ATF1: variants seen among roughly 807,000 people sequenced by gnomAD.
ATF1 encodes activating transcription factor 1, also known as cyclic AMP-dependent transcription factor ATF-1.
A neutral mutation model predicts 34.7 loss-of-function variants in ATF1; 16 were observed. That is an observed-to-expected ratio of 0.46 (90% confidence interval 0.31 to 0.70). The LOEUF is 0.70. Among genes scored for constraint, ATF1 ranks in the 30% least tolerant of loss-of-function variants. The pLI, the probability that ATF1 is intolerant of heterozygous loss-of-function variation, is 0.05. For missense variants in ATF1, 255 were observed against 321.6 expected (o/e 0.79, Z 1.58); for synonymous variants, 105 against 113.1 (o/e 0.93, Z 0.46).
intron 6 of ATF1, among the ~76,000 whole-genome samples, chr12:50,818,772 A>G (rs565016580): frequency 2.6e-4 from 40 of 152,022 alleles, no homozygotes; most frequent in African/African-American, 9.6e-4. Flanking sequence ...ACCACAGCTA[A>G]TTTTTGTATT....
rs1435176881 is a variant in ATF1, at chr12:50,795,956, C to G, written c.141C>G (p.Ser47Arg). The G allele has an allele frequency of 1.2e-6, 2 of 1,612,994 alleles. No individual in the cohort carries two copies. Among genetic ancestry groups the G allele is most frequent in the African/African-American group, 2.7e-5 (2 of 74,808 alleles). The stretch of plus-strand genomic sequence containing the variant: ...AGGAGTCCCAGGACTCATCCGACAG[C>G]ATAGGCTCCTCACAGAAAGCCCACG... Reference protein sequence around the residue: ...ESEESQDSSDSIGSSQKAHGI... With the variant: ...ESEESQDSSDRIGSSQKAHGI... The change falls in exon 3 of 7, where the codon AGC becomes AGG. Residue 47 changes from serine to arginine, a missense_variant. Physicochemically the swap from Ser to Arg is moderately radical, Grantham distance 110 (BLOSUM62 -1). Around this residue, in one of 2 missense-constraint regions of ATF1, gnomAD observed 221 missense variants for 250.7 expected, o/e 0.88. Transcript: ENST00000262053.
chr12:50,798,282 A>T (rs1413126123), intron 3 of ATF1, among the ~76,000 whole-genome samples: 1 of 152,078 alleles, frequency 6.6e-6, no homozygotes, highest in Non-Finnish European at 1.5e-5. Flanking sequence ...GAACAATAGT[A>T]ATAATGATTA....
Position 50,820,321 on chromosome 12 carries a change from G to C in ATF1, c.*542G>C, listed in dbSNP as rs1429763903. On this transcript the variant is annotated 3_prime_UTR_variant, in exon 7 of 7. Coordinates refer to ENST00000262053, the MANE Select transcript of ATF1 (RefSeq NM_005171.5). ...AGTCTTTTTAAGTGGGTTTTTAAAA[G>C]TTTGTTATTGGACTTGAATGGATTT... 1.1e-5 allele frequency: 2 copies of C among 189,950 alleles called. No homozygotes were observed. Among genetic ancestry groups the C allele is most frequent in the Non-Finnish European group, 2.2e-5 (2 of 90,404 alleles). 11.8% of individuals were successfully genotyped at this position (189,950 alleles called of 1,614,324 possible).
At chr12:50,764,825 C>G (rs1940589805) in intron 1 of ATF1, among the ~76,000 whole-genome samples, 1 of 152,260 alleles carries the variant, frequency 6.6e-6, no homozygotes, top group Non-Finnish European at 1.5e-5. Context: ...AGCGGGCAAC[C>G]GACGCACGGG....
chr12:50,781,731 G>A (rs764832851), intron 2 of ATF1, among the ~76,000 whole-genome samples: 1 of 151,900 alleles, frequency 6.6e-6, no homozygotes, highest in African/African-American at 2.4e-5. Context: ...GATTACAGGC[G>A]TGAGCCACCG....
upstream of ATF1, chr12:50,764,022 GC>G (rs1410562784): frequency 6.6e-6 from 1 of 152,226 alleles, no homozygotes; most frequent in Non-Finnish European, 1.5e-5. Flanking sequence ...TACCCCAAAC[GC>G]ACACTAGTGC....
intron 4 of ATF1, among the ~76,000 whole-genome samples, chr12:50,809,881 C>G (rs915995401): frequency 6.6e-6 from 1 of 152,042 alleles, no homozygotes; most frequent in Non-Finnish European, 1.5e-5. Context: ...TTGCCCAGGC[C>G]GGAGTGCAGT....
chr12:50,767,912 G>A (rs552233195), intron 1 of ATF1, among the ~76,000 whole-genome samples: 5 of 146,924 alleles, frequency 3.4e-5, no homozygotes, highest in South Asian at 4.3e-4. Flanking sequence ...TTGCTCTGTC[G>A]CCCAGGCTGG....
chr12:50,780,041 A>G, intron 1 of ATF1, 99 bp from the exon 2 acceptor site: 1 of 826,136 alleles, frequency 1.2e-6, no homozygotes, highest in African/African-American at 1.7e-5. Context: ...GTTCTTTTCC[A>G]TTGAGGCAAC....
intron 1 of ATF1, among the ~76,000 whole-genome samples, chr12:50,772,688 C>T (rs1291238758): frequency 6.6e-6 from 1 of 151,652 alleles, no homozygotes; most frequent in Non-Finnish European, 1.5e-5. Context: ...CTCTCTCTCT[C>T]TCTCTCTTTT....
chr12:50,781,890 G>T (rs946069736), intron 2 of ATF1, among the ~76,000 whole-genome samples: 2 of 144,344 alleles, frequency 1.4e-5, no homozygotes, highest in African/African-American at 5.2e-5. Flanking sequence ...ACTCCAGCCT[G>T]GGTGACAGAG....
Position 50,766,484 on chromosome 12 carries a change from G to C in ATF1, c.-7+2177G>C, listed in dbSNP as rs193166265. On this transcript the variant is annotated intron_variant, in intron 1 of 6. Coordinates refer to ENST00000262053, the MANE Select transcript of ATF1 (RefSeq NM_005171.5). ...CATGAACAGGATCGTGGGACATGGG[G>C]AGCTTTTTCCTCTCTAAAAGGGGAG... Among the ~76,000 whole-genome samples the C allele has an allele frequency of 1.3e-4, 20 of 152,184 alleles. No homozygotes were observed. The East Asian group carries it at 3.9e-3, about 29-fold the overall frequency.
intron 1 of ATF1, among the ~76,000 whole-genome samples, chr12:50,766,833 A>C (rs548170701): frequency 1.8e-4 from 28 of 151,990 alleles, no homozygotes; most frequent in South Asian, 4.2e-4. Context: ...TTTCTTATCT[A>C]CTTTGCGTTT....
intron 6 of ATF1, among the ~76,000 whole-genome samples, chr12:50,814,704 T>C (rs1941806693): frequency 6.6e-6 from 1 of 152,206 alleles, no homozygotes. Flanking sequence ...CATATAAAAG[T>C]GTAGCACATG....
intron 2 of ATF1, among the ~76,000 whole-genome samples, chr12:50,784,818 A>T (rs1043971878): frequency 6.6e-6 from 1 of 152,056 alleles, no homozygotes; most frequent in African/African-American, 2.4e-5. Flanking sequence ...TAGATTCTGG[A>T]TATATATTGG....
Position 50,814,458 on chromosome 12 carries a change from G to A in ATF1, c.671+19G>A, listed in dbSNP as rs751767737. 2.5e-6 allele frequency: 4 copies of A among 1,607,642 alleles called. No individual in the cohort carries two copies. Among genetic ancestry groups the A allele is most frequent in the Non-Finnish European group, 3.4e-6 (4 of 1,175,060 alleles). On this transcript the variant is annotated intron_variant, in intron 6 of 6. Transcript: ENST00000262053. The stretch of plus-strand genomic sequence containing the variant: ...AAAACAGGTAGGTAGTAAAATCGTA[G>A]TACCAGAATGGGTAATGTTTTTACA...
chr12:50,781,896 C>G (rs1346092494), intron 2 of ATF1, among the ~76,000 whole-genome samples: 3 of 124,478 alleles, frequency 2.4e-5, no homozygotes, highest in African/African-American at 9.5e-5. Flanking sequence ...GCCTGGGTGA[C>G]AGAGTGAGAC....
intron 3 of ATF1, among the ~76,000 whole-genome samples, chr12:50,799,482 G>A (rs956862435): frequency 6.6e-6 from 1 of 152,022 alleles, no homozygotes; most frequent in African/African-American, 2.4e-5. Flanking sequence ...AAAATTACTT[G>A]GTATCAAAGA....
intron 2 of ATF1, among the ~76,000 whole-genome samples, chr12:50,786,418 A>G (rs1196063548): frequency 6.6e-6 from 1 of 152,102 alleles, no homozygotes; most frequent in African/African-American, 2.4e-5. Flanking sequence ...GCGTGAGCGT[A>G]TAGAATCCTT....
Sources: gnomAD v4.1 joint callset for allele counts (sites outside exome capture counted in the v4.1 genomes callset) on GRCh38, gnomAD v4.1.1 for gene constraint, gnomAD v4.1.1 regional missense constraint, MANE v1.5 for transcripts, NCBI Gene and HGNC (gene_info 2026-07-23, HGNC 2026-07-21) for gene names.